KIAA0825: variants seen among roughly 807,000 people sequenced by gnomAD.
KIAA0825 encodes the protein KIAA0825, also known as uncharacterized protein KIAA0825.
In KIAA0825, 119 loss-of-function variants were observed where a neutral mutation model predicts 147.6. That is an observed-to-expected ratio of 0.81 (90% CI 0.69 to 0.94). The LOEUF (loss-of-function observed/expected upper bound fraction) is 0.94, where lower values mean the gene tolerates loss of function less well. KIAA0825 is among the 40% of genes least tolerant of loss of function. KIAA0825 has a pLI of 0.00. For missense variants in KIAA0825, 1,381 were observed against 1,472.7 expected (o/e 0.94, Z 1.02); for synonymous variants, 470 against 518.1 (o/e 0.91, Z 1.26).
At chr5:94,466,127 TA>T (rs201178907) in intron 10 of KIAA0825, among the ~76,000 whole-genome samples, 166 of 147,138 alleles carry the variant, frequency 1.1e-3, no homozygotes, top group East Asian at 1.4e-3. Context: ...AAATGTCATG[TA>T]AAAAAAAAAA....
chr5:94,224,061 T>C (rs796499595), intron 20 of KIAA0825, among the ~76,000 whole-genome samples: 20 of 150,838 alleles, frequency 1.3e-4, no homozygotes, highest in African/African-American at 4.1e-4. Context: ...TTTTCTTTTC[T>C]TTTCTCTTTC....
intron 20 of KIAA0825, among the ~76,000 whole-genome samples, chr5:94,337,333 A>G (rs1295941370): frequency 2.6e-5 from 4 of 152,104 alleles, no homozygotes; most frequent in African/African-American, 4.8e-5. Flanking sequence ...GAATTTTGTA[A>G]TTTGTCCATT....
Position 94,440,029 on chromosome 5 carries a change from A to C in KIAA0825, c.2450T>G (p.Leu817Arg). 6.4e-7 allele frequency: 1 copy of C among 1,551,752 alleles called. No individual in the cohort carries two copies. The highest frequency in any genetic ancestry group is 8.7e-7 in the Non-Finnish European group (1 of 1,146,822). The change falls in exon 14 of 21, where the codon CTA becomes CGA. Residue 817 changes from leucine (L) to arginine (R), a missense_variant. Physicochemically the swap from Leu to Arg is moderately radical, Grantham distance 102 (BLOSUM62 -2). Coordinates refer to ENST00000682413, the MANE Select transcript of KIAA0825 (RefSeq NM_001145678.3). ...CAGTAAAAGTCCATCATGATGCAGT[A>C]GGGTTTCCAGAAGCAAGTTCCAGTT... ...RCNWNLLLET[L>R]LHHDGLLLRI...
intron 20 of KIAA0825, among the ~76,000 whole-genome samples, chr5:94,257,072 A>C (rs1041885781): frequency 2.6e-5 from 4 of 152,178 alleles, no homozygotes; most frequent in Admixed American, 6.6e-5. Context: ...ACAACTAAAA[A>C]ATTTACACCA....
rs368866311 is a variant in KIAA0825, at chr5:94,238,128, G to A, written c.3711-84004C>T. Among the ~76,000 whole-genome samples the A allele has an allele frequency of 3.3e-4, 50 of 152,226 alleles. No individual in the cohort carries two copies. In the South Asian group the frequency reaches 0.01, roughly 31 times the overall value. On this transcript the variant is annotated intron_variant, in intron 20 of 20. Transcript: ENST00000682413. ...GGATTTCTGGAAAAATATAACGATG[G>A]CTGTAACTGACTTTGAAATGCATCA...
chr5:94,229,666 T>C (rs949123317), intron 20 of KIAA0825, among the ~76,000 whole-genome samples: 1 of 152,070 alleles, frequency 6.6e-6, no homozygotes, highest in African/African-American at 2.4e-5. Flanking sequence ...TTTTGCCTTA[T>C]TTTCTAGCAG....
chr5:94,198,433 T>C (rs1771350081), intron 20 of KIAA0825, among the ~76,000 whole-genome samples: 1 of 151,950 alleles, frequency 6.6e-6, no homozygotes, highest in Non-Finnish European at 1.5e-5. Context: ...TTTTTTTAAA[T>C]TTTTGTCTGC....
chr5:94,346,815 CA>C, intron 20 of KIAA0825, among the ~76,000 whole-genome samples: 1 of 152,244 alleles, frequency 6.6e-6, no homozygotes, highest in Non-Finnish European at 1.5e-5. Flanking sequence ...GTCTCCTGGC[CA>C]GAACTTGGGG....
intron 20 of KIAA0825, among the ~76,000 whole-genome samples, chr5:94,213,762 G>A (rs1317206732): frequency 2.6e-5 from 4 of 152,114 alleles, no homozygotes; most frequent in Non-Finnish European, 4.4e-5. Flanking sequence ...CCTCTAGCCT[G>A]GCCTGGCCAA....
intron 20 of KIAA0825, among the ~76,000 whole-genome samples, chr5:94,326,831 C>T (rs1199167750): frequency 1.3e-5 from 2 of 152,140 alleles, no homozygotes; most frequent in South Asian, 2.1e-4. Flanking sequence ...TACCCCCTAG[C>T]GGGGGCACAA....
chr5:94,266,511 A>G (rs1029928008), intron 20 of KIAA0825, among the ~76,000 whole-genome samples: 14 of 152,324 alleles, frequency 9.2e-5, no homozygotes, highest in Admixed American at 2.6e-4. Context: ...ATTAAAAAAA[A>G]TCCACAATGA....
At chr5:94,446,970 T>C (rs990781918) in intron 13 of KIAA0825, among the ~76,000 whole-genome samples, 10 of 152,212 alleles carry the variant, frequency 6.6e-5, no homozygotes, top group African/African-American at 2.4e-4. Context: ...GACTTAGTAA[T>C]GGATTTGGTG....
chr5:94,334,468 G>A (rs1292964865), intron 20 of KIAA0825, among the ~76,000 whole-genome samples: 1 of 151,954 alleles, frequency 6.6e-6, no homozygotes, highest in African/African-American at 2.4e-5. Context: ...TTTCACAACC[G>A]ACTTTTAATT....
intron 20 of KIAA0825, among the ~76,000 whole-genome samples, chr5:94,285,788 C>T (rs1777644003): frequency 2.0e-5 from 3 of 152,246 alleles, no homozygotes; most frequent in Middle Eastern, 3.4e-3. Context: ...TTTTGATCCT[C>T]TCCTCACAGC....
At chr5:94,381,461 T>A (rs892780166) in intron 20 of KIAA0825, among the ~76,000 whole-genome samples, 1 of 152,212 alleles carries the variant, frequency 6.6e-6, no homozygotes, top group African/African-American at 2.4e-5. Flanking sequence ...AATGCAGTGA[T>A]GTGTGAGAAT....
chr5:94,163,915 C>T (rs1319249464), intron 20 of KIAA0825, among the ~76,000 whole-genome samples: 2 of 152,058 alleles, frequency 1.3e-5, no homozygotes, highest in Non-Finnish European at 2.9e-5. Flanking sequence ...TTGTAATGGA[C>T]TCTTGTTATA....
intron 20 of KIAA0825, among the ~76,000 whole-genome samples, chr5:94,192,562 G>C (rs947626845): frequency 6.6e-6 from 1 of 152,154 alleles, no homozygotes; most frequent in African/African-American, 2.4e-5. Flanking sequence ...TCTGGAAGCT[G>C]AAGCATCCAA....
chr5:94,218,510 T>C (rs552353027), intron 20 of KIAA0825, among the ~76,000 whole-genome samples: 4 of 152,322 alleles, frequency 2.6e-5, no homozygotes, highest in African/African-American at 9.6e-5. Context: ...GTGTATACCT[T>C]TTTATCTTTT....
chr5:94,205,785 A>G (rs1772141591), intron 20 of KIAA0825, among the ~76,000 whole-genome samples: 2 of 152,274 alleles, frequency 1.3e-5, no homozygotes, highest in Middle Eastern at 3.4e-3. Context: ...AAAAAGTGTA[A>G]GACGCACCTG....
Sources: allele counts gnomAD v4.1 joint callset (sites outside exome capture counted in the v4.1 genomes callset), GRCh38; gene constraint gnomAD v4.1.1; transcripts MANE v1.5; gene names NCBI Gene and HGNC (gene_info 2026-07-23, HGNC 2026-07-21).